COPB2: variants seen among roughly 807,000 people sequenced by gnomAD.
The protein encoded by COPB2 is coatomer subunit beta'.
COPB2 carries 16 observed loss-of-function variants against 120.8 expected under a neutral mutation model. The ratio of observed to expected loss-of-function variants is 0.13; its 90% CI spans 0.09 to 0.20. COPB2 has a LOEUF of 0.20. COPB2 is among the 10% of genes least tolerant of loss of function. The probability of loss-of-function intolerance (pLI) is 1.00; values close to 1 mark genes in which losing one functional copy is unlikely to be tolerated. For synonymous variants in COPB2, 332 were observed against 366.3 expected (o/e 0.91, Z 1.07); for missense variants, 794 against 1,076.5 (o/e 0.74, Z 3.67).
At chr3:139,383,067 T>A in intron 2 of COPB2, 1 of 527,848 alleles carries the variant, frequency 1.9e-6, no homozygotes, top group Non-Finnish European at 3.3e-6. Flanking sequence ...TAATACTACC[T>A]AAGTCAGAGT....
rs113687179 is a variant in COPB2, at chr3:139,371,942, T to C, written c.1095-109A>G. 1,063 of 749,984 alleles carry C rather than the reference T, an allele frequency of 1.4e-3. 4 individuals carry two copies. The African/African-American group carries it at 0.014, about 10-fold the overall frequency. 46.5% of individuals were successfully genotyped at this position (749,984 alleles called of 1,614,324 possible). ...AAAGAATTCTAATAACAAATGTTAT[T>C]TAGTTCATTATTACAATTTAACATC... On this transcript the variant is annotated intron_variant, in intron 9 of 21. Coordinates refer to ENST00000333188, the MANE Select transcript of COPB2 (RefSeq NM_004766.3).
At chr3:139,389,408 C>CT (rs3215032) in intron 1 of COPB2, 140 bp downstream of exon 1, 1 of 1,272,624 alleles carries the variant, frequency 7.9e-7, no homozygotes, top group South Asian at 2.7e-5. Context: ...TGGAATCAAA[C>CT]GACCAAGACC....
intron 14 of COPB2, 77 bp downstream of exon 14, chr3:139,366,938 C>CAT: frequency 3.9e-6 from 6 of 1,536,890 alleles, no homozygotes; most frequent in Non-Finnish European, 5.3e-6. Flanking sequence ...ATCAGCCTAT[C>CAT]ATTGCTACAA....
At chr3:139,371,902 A>C in intron 9 of COPB2, 69 bp from the exon 10 acceptor site, 2 of 1,066,286 alleles carry the variant, frequency 1.9e-6, no homozygotes, top group South Asian at 1.4e-5. Flanking sequence ...AGGAACAATA[A>C]TTCATGTTAT....
chr3:139,378,089 G>C lies in COPB2; in HGVS notation c.456C>G (p.Pro152=), dbSNP rs1941749058. Residue 152 remains proline (P), a synonymous_variant, in exon 5 of 22, where the codon CCC becomes CCG. Transcript: ENST00000333188. ...THYVMQIVIN[P]KDNNQFASAS... is the part of the protein sequence containing the mutation. ...CACTGGCAAACTGATTGTTATCTTT[G>C]GGGTTGATCACAATCTGCATAACAT... is the stretch of plus-strand genomic sequence containing the variant. 16 of 1,586,488 alleles carry C rather than the reference G, an allele frequency of 1.0e-5. No individual in the cohort carries two copies. Among genetic ancestry groups the C allele is most frequent in the Non-Finnish European group, 1.4e-5 (16 of 1,160,134 alleles).
Position 139,373,388 on chromosome 3 carries a change from A to T in COPB2, c.919T>A (p.Ser307Thr), listed in dbSNP as rs1941657317. 1 of 1,614,074 alleles carries T rather than the reference A, an allele frequency of 6.2e-7. No homozygotes were observed. The highest frequency in any genetic ancestry group is 1.7e-5 in the Admixed American group (1 of 60,008). The change falls in exon 9 of 22, where the codon TCC becomes ACC. Residue 307 changes from serine (S) to threonine (T), a missense_variant. Ser to Thr is a moderately conservative substitution (Grantham distance 58). This residue lies in a region of COPB2 where 610 missense variants were observed against 866.7 expected (regional missense o/e 0.70). Transcript: ENST00000333188. Reference sequence around the variant, plus strand: ...ATTATCTTTCCATTGGCATCCATGGACATGGCAGGTTCCTCCCGACCAAGC... The same window carrying T: ...ATTATCTTTCCATTGGCATCCATGGTCATGGCAGGTTCCTCCCGACCAAGC... ...VKLGREEPAM[S>T]MDANGKIIWA...
chr3:139,357,987 GT>G, intron 21 of COPB2, 29 bp from the exon 22 acceptor site: 1 of 1,346,348 alleles, frequency 7.4e-7, no homozygotes, highest in South Asian at 1.3e-5. Flanking sequence ...GGGTAATTAA[GT>G]TTTACAGTAC....
At chr3:139,358,330 T>G (rs1941333588) in intron 20 of COPB2, 59 bp from the exon 21 acceptor site, 4 of 1,446,454 alleles carry the variant, frequency 2.8e-6, no homozygotes, top group Non-Finnish European at 3.9e-6. Context: ...GAATTTAAAG[T>G]TTTCCCCCAA....
In COPB2 at chr3:139,383,434, G is replaced by A. The variant is rs764300199; in HGVS notation, c.5C>T (p.Pro2Leu). 2 of 1,536,810 alleles carry A rather than the reference G, an allele frequency of 1.3e-6. No individual in the cohort carries two copies. Among genetic ancestry groups the A allele is most frequent in the Admixed American group, 2.3e-5 (1 of 44,338 alleles). Reference protein sequence around the residue: MPLRLDIKRKLT... With the variant: MLLRLDIKRKLT... ...CTTTCTTTTGATATCAAGTCGCAGA[G>A]GCTAAAAAGAAACATTAAAAAAATT... Residue 2 changes from proline to leucine, a missense_variant and splice_region_variant, in exon 2 of 22, where the codon CCT becomes CTT. This residue lies in a region of COPB2 where 610 missense variants were observed against 866.7 expected (regional missense o/e 0.70). Coordinates refer to ENST00000333188, the MANE Select transcript of COPB2 (RefSeq NM_004766.3).
At chr3:139,379,300 G>T in intron 3 of COPB2, 80 bp downstream of exon 3, 1 of 1,564,416 alleles carries the variant, frequency 6.4e-7, no homozygotes, top group Non-Finnish European at 8.8e-7. Flanking sequence ...AACAAATCGG[G>T]AATCAAAATC....
At position 139,378,059 on chromosome 3, in the gene COPB2, A is replaced by G. The variant is rs1363662349; in HGVS notation, c.486T>C (p.Ser162=). ...PKDNNQFASA[S]LDRTIKVWQL... ...GCCCTACCTTGATAGTCCTGTCCAA[A>G]GAGGCACTGGCAAACTGATTGTTAT... Residue 162 remains serine (S), a synonymous_variant, in exon 5 of 22, where the codon TCT becomes TCC. Transcript: ENST00000333188. 2 of 1,568,988 alleles carry G rather than the reference A, an allele frequency of 1.3e-6. No homozygotes were observed. The highest frequency in any genetic ancestry group is 1.7e-6 in the Non-Finnish European group (2 of 1,147,712).
rs372125796 is a variant in COPB2, at chr3:139,383,328, G to C, written c.111C>G (p.Gly37=). 2 of 1,613,808 alleles carry C rather than the reference G, an allele frequency of 1.2e-6. No individual in the cohort carries two copies. Among genetic ancestry groups the C allele is most frequent in the Non-Finnish European group, 1.7e-6 (2 of 1,179,906 alleles). Residue 37 remains glycine (G), a synonymous_variant, in exon 2 of 22, where the codon GGC becomes GGG. Transcript: ENST00000333188. ...TTTCATGATTCCAAACACACACACT[G>C]CCATTGTAAAGACTTGCCAACATCC... ...EPWMLASLYN[G]SVCVWNHETQ...
At chr3:139,367,500 C>A (rs1406323869) in intron 13 of COPB2, among the ~76,000 whole-genome samples, 1 of 152,010 alleles carries the variant, frequency 6.6e-6, no homozygotes, top group African/African-American at 2.4e-5. Flanking sequence ...GCTGGCCAGG[C>A]TGGTCTTAGA....
In COPB2 at chr3:139,366,743, T is replaced by C. The variant is rs2107800148; in HGVS notation, c.1709A>G (p.Asp570Gly). Residue 570 changes from aspartate to glycine, a missense_variant, in exon 15 of 22, where the codon GAC becomes GGC. Transcript: ENST00000333188. ...TTTATCCCCCAGATAAAGCCTGTTG[T>C]CTTTAGGAATGTAGCCTAGGAGATA... ...TMYLLGYIPK[D>G]NRLYLGDKEL... The C allele has an allele frequency of 6.2e-7, 1 of 1,614,022 alleles. No individual in the cohort carries two copies. Among genetic ancestry groups the C allele is most frequent in the South Asian group, 1.1e-5 (1 of 91,080 alleles).
At chr3:139,371,668 G>GCA (rs1316356985) in intron 10 of COPB2, 55 bp downstream of exon 10, 2 of 1,446,510 alleles carry the variant, frequency 1.4e-6, no homozygotes, top group African/African-American at 1.4e-5. Flanking sequence ...TCTTCAAGCA[G>GCA]CACACAACAC....
chr3:139,373,653 A>G lies in COPB2; in HGVS notation c.894+13T>C. The G allele has an allele frequency of 1.2e-6, 2 of 1,614,068 alleles. No individual in the cohort carries two copies. Among genetic ancestry groups the G allele is most frequent in the Non-Finnish European group, 1.7e-6 (2 of 1,179,984 alleles). On this transcript the variant is annotated intron_variant, in intron 8 of 21. Coordinates refer to ENST00000333188, the MANE Select transcript of COPB2 (RefSeq NM_004766.3). Reference sequence around the variant, plus strand: ...TGCCTATGTCCACCTACTGAGAGGGATAGTATAATTACCTTAACAATGATG... The same window carrying G: ...TGCCTATGTCCACCTACTGAGAGGGGTAGTATAATTACCTTAACAATGATG...
chr3:139,373,465 A>T, intron 8 of COPB2, 53 bp from the exon 9 acceptor site: 1 of 1,592,162 alleles, frequency 6.3e-7, no homozygotes, highest in Non-Finnish European at 8.6e-7. Context: ...GAATAAAACC[A>T]AAACAAAACA....
At chr3:139,380,493 G>A (rs978696207) in intron 2 of COPB2, 4 of 152,078 alleles carry the variant, frequency 2.6e-5, no homozygotes, top group African/African-American at 9.7e-5. Context: ...GATAAAGGTA[G>A]AGACCCTCCT....
At chr3:139,371,665 G>A in intron 10 of COPB2, 58 bp downstream of exon 10, 1 of 1,420,072 alleles carries the variant, frequency 7.0e-7, no homozygotes, top group East Asian at 2.3e-5. Flanking sequence ...GAGTCTTCAA[G>A]CAGCACACAA....
Sources: allele counts gnomAD v4.1 joint callset (sites outside exome capture counted in the v4.1 genomes callset), GRCh38; gene constraint gnomAD v4.1.1; regional missense constraint gnomAD v4.1.1; transcripts MANE v1.5; gene names NCBI Gene and HGNC (gene_info 2026-07-23, HGNC 2026-07-21).